The following RAP1GAP variants were observed in gnomAD, a reference collection of about 807,000 sequenced individuals.
The protein encoded by RAP1GAP is RAP1 GTPase activating protein.
In RAP1GAP, 35 loss-of-function variants were observed where a neutral mutation model predicts 87.2. The ratio of observed to expected loss-of-function variants is 0.40; its 90% CI spans 0.31 to 0.53. The LOEUF (loss-of-function observed/expected upper bound fraction) is 0.53, where lower values mean the gene tolerates loss of function less well. RAP1GAP is among the 20% of genes least tolerant of loss of function. RAP1GAP has a pLI of 0.48. For synonymous variants in RAP1GAP, 375 were observed against 363.9 expected (o/e 1.03, Z -0.35); for missense variants, 734 against 898.9 (o/e 0.82, Z 2.35).
intron 2 of RAP1GAP, among the ~76,000 whole-genome samples, chr1:21,649,547 G>C (rs2096387682): frequency 6.6e-6 from 1 of 152,192 alleles, no homozygotes; most frequent in Admixed American, 6.5e-5. Context: ...GGCAGTGGCA[G>C]AGTGAAGATG....
At chr1:21,641,377 T>A (rs2095510678) in intron 2 of RAP1GAP, among the ~76,000 whole-genome samples, 1 of 152,160 alleles carries the variant, frequency 6.6e-6, no homozygotes, top group Admixed American at 6.5e-5. Context: ...TTCTCTACCC[T>A]CTGCCTGGAC....
chr1:21,636,839 G>T (rs1477172601), intron 2 of RAP1GAP, among the ~76,000 whole-genome samples: 1 of 147,574 alleles, frequency 6.8e-6, no homozygotes, highest in African/African-American at 2.5e-5. Context: ...GAGAAAGGAA[G>T]AAGAAGAAGA....
At chr1:21,647,451 G>C (rs1328197176) in intron 2 of RAP1GAP, among the ~76,000 whole-genome samples, 2 of 152,128 alleles carry the variant, frequency 1.3e-5, no homozygotes, top group Non-Finnish European at 1.5e-5. Flanking sequence ...GCGACAGAGT[G>C]AGACCCTGTC....
chr1:21,639,588 TGA>T (rs1203120607), intron 2 of RAP1GAP, among the ~76,000 whole-genome samples: 1 of 152,132 alleles, frequency 6.6e-6, no homozygotes, highest in African/African-American at 2.4e-5. Flanking sequence ...GAGCATTAAA[TGA>T]GAGAATGCAC....
At chr1:21,664,422 C>T (rs1038833808) in intron 1 of RAP1GAP, among the ~76,000 whole-genome samples, 1 of 152,170 alleles carries the variant, frequency 6.6e-6, no homozygotes, top group Non-Finnish European at 1.5e-5. Context: ...GCCTGCCATT[C>T]AAGGCCCTTA....
rs1339661985 is a variant in RAP1GAP, at chr1:21,612,098, G to A, written c.540C>T (p.Leu180=). Residue 180 remains leucine (L), a synonymous_variant, in exon 11 of 25, where the codon CTC becomes CTT. Coordinates refer to ENST00000374765, the MANE Select transcript of RAP1GAP (RefSeq NM_002885.4). Reference sequence around the variant, plus strand: ...TGACATGCTCGTCAAAGGTGACGATGAGCCGGGAAGCCTGCAGGAGAGGAC... The same window carrying A: ...TGACATGCTCGTCAAAGGTGACGATAAGCCGGGAAGCCTGCAGGAGAGGAC... ...YPVLYPKASR[L]IVTFDEHVIS... 9 of 1,552,250 alleles carry A rather than the reference G, an allele frequency of 5.8e-6. No individual in the cohort carries two copies. Among genetic ancestry groups the A allele is most frequent in the Non-Finnish European group, 7.8e-6 (9 of 1,147,030 alleles).
rs887009142 is a variant in RAP1GAP at position 21,668,949 on chromosome 1, C to A, written c.-149+305G>T. Among the ~76,000 whole-genome samples, 1 of 151,616 alleles carries A rather than the reference C, an allele frequency of 6.6e-6. No homozygotes were observed. Among genetic ancestry groups the A allele is most frequent in the Admixed American group, 6.5e-5 (1 of 15,276 alleles). Reference sequence around the variant, plus strand: ...CTCGAGGTGGGCGGAAAACTGGACTCCCCACCCACCCAGGGGGGTGGGACC... The same window carrying A: ...CTCGAGGTGGGCGGAAAACTGGACTACCCACCCACCCAGGGGGGTGGGACC... On this transcript the variant is annotated intron_variant, in intron 1 of 24. Transcript: ENST00000374765. The surrounding 1 kb of genome is among the most constrained non-coding windows in gnomAD (Gnocchi z 6.2).
At chr1:21,631,836 T>C (rs1422021203) in intron 2 of RAP1GAP, among the ~76,000 whole-genome samples, 1 of 152,104 alleles carries the variant, frequency 6.6e-6, no homozygotes, top group Non-Finnish European at 1.5e-5. Context: ...GTGACTCCAG[T>C]CCAGTGTCCC....
chr1:21,613,368 TG>T lies in RAP1GAP; in HGVS notation c.475-140del. The T allele has an allele frequency of 1.2e-6, 1 of 852,282 alleles. No individual in the cohort carries two copies. Among genetic ancestry groups the T allele is most frequent in the Non-Finnish European group, 1.9e-6 (1 of 512,980 alleles). The allele number at this position is 852,282 out of a possible 1,614,324, so 52.8% of individuals were successfully genotyped here. A position where few individuals can be genotyped will look rare whatever the true frequency, so the allele number is the denominator to read the frequency against. Reference sequence around the variant, plus strand: ...GGCTAAAGCAGGACTCGGGGTTCACTGTTGCTCAGGGAACGGAGGTCCCCTG... The same window carrying T: ...GGCTAAAGCAGGACTCGGGGTTCACTTTGCTCAGGGAACGGAGGTCCCCTG... On this transcript the variant is annotated intron_variant, in intron 9 of 24. Transcript: ENST00000374765. This position sits in a 1 kb window ranked among gnomAD's most constrained non-coding sequence, Gnocchi z 4.7.
In RAP1GAP at chr1:21,622,665, C is replaced by T. The variant is rs1433074354; in HGVS notation, c.-18-2615G>A. The T allele has an allele frequency of 6.7e-6, 1 of 149,418 alleles. No individual in the cohort carries two copies. The highest frequency in any genetic ancestry group is 6.7e-5 in the Admixed American group (1 of 15,022). 9.3% of individuals were successfully genotyped at this position (149,418 alleles called of 1,614,324 possible). On this transcript the variant is annotated intron_variant, in intron 3 of 24. Transcript: ENST00000374765. This position sits in a 1 kb window ranked among gnomAD's most constrained non-coding sequence, Gnocchi z 5.7. ...AAGCCACGCCCCCCGGGCGGCCCGG[C>T]CCGCGGCCCCGGGACACCGCGCCTG...
At chr1:21,602,672 C>T (rs2069781285) in intron 19 of RAP1GAP, 132 bp downstream of exon 19, 1 of 758,170 alleles carries the variant, frequency 1.3e-6, no homozygotes, top group Non-Finnish European at 2.0e-6. Context: ...GGGACTTGAC[C>T]ACACAGCTGT....
At chr1:21,629,887 G>A (rs1428992213) in intron 2 of RAP1GAP, among the ~76,000 whole-genome samples, 2 of 152,192 alleles carry the variant, frequency 1.3e-5, no homozygotes, top group Non-Finnish European at 2.9e-5. Flanking sequence ...CAGAGCCCAA[G>A]ATCTGAACTT....
chr1:21,609,683 TG>T lies in RAP1GAP; in HGVS notation c.1000-38del. ...GGCAGCTGTCTGTTCCTGTGGAGCC[TG>T]GGGTCTGCTCTGCCCCACCCAGCCA... On this transcript the variant is annotated intron_variant, in intron 14 of 24. Coordinates refer to ENST00000374765, the MANE Select transcript of RAP1GAP (RefSeq NM_002885.4). The surrounding 1 kb of genome is among the most constrained non-coding windows in gnomAD (Gnocchi z 4.4). 6.7e-7 allele frequency: 1 copy of T among 1,491,628 alleles called. No homozygotes were observed. Among genetic ancestry groups the T allele is most frequent in the Non-Finnish European group, 9.0e-7 (1 of 1,107,234 alleles). The allele number at this position is 1,491,628 out of a possible 1,614,324, so 92.4% of individuals were successfully genotyped here. A position where few individuals can be genotyped will look rare whatever the true frequency, so the allele number is the denominator to read the frequency against.
chr1:21,643,729 C>A lies in RAP1GAP; in HGVS notation c.-113+6032G>T, dbSNP rs1164190260. 2.0e-5 allele frequency among the ~76,000 whole-genome samples: 3 copies of A among 152,164 alleles called. No homozygotes were observed. The South Asian group carries it at 6.2e-4, about 32-fold the overall frequency. Reference sequence around the variant, plus strand: ...TGCTTAGTTAGAAGGGAGAACATCCCCCTGCGCATACACTCTGCACTCATT... The same window carrying A: ...TGCTTAGTTAGAAGGGAGAACATCCACCTGCGCATACACTCTGCACTCATT... On this transcript the variant is annotated intron_variant, in intron 2 of 24. Transcript: ENST00000374765.
intron 2 of RAP1GAP, among the ~76,000 whole-genome samples, chr1:21,642,226 T>A (rs1349809321): frequency 6.6e-6 from 1 of 152,038 alleles, no homozygotes; most frequent in Non-Finnish European, 1.5e-5. Flanking sequence ...GCAGCAAGCT[T>A]CCAGAGGACA....
chr1:21,640,197 C>A (rs573374163), intron 2 of RAP1GAP, among the ~76,000 whole-genome samples: 14 of 152,138 alleles, frequency 9.2e-5, no homozygotes, highest in Non-Finnish European at 1.6e-4. Context: ...CCTGTTACCC[C>A]CTTCCCGTCC....
rs796131778 is a variant in RAP1GAP at position 21,653,590 on chromosome 1, TCCTCCCTC to T, written c.-148-3802_-148-3795del. Among the ~76,000 whole-genome samples, 45 of 93,066 alleles carry T rather than the reference TCCTCCCTC, an allele frequency of 4.8e-4. 1 individual carries two copies. Among genetic ancestry groups the T allele is most frequent in the African/African-American group, 1.3e-3 (30 of 23,972 alleles). The allele number at this position is 93,066 out of a possible 152,430, so 61.1% of individuals were successfully genotyped here. Reference sequence around the variant, plus strand: ...TTCCTTCCTTCCTTCCTTCCTTCCTTCCTCCCTCCCTCCCTCCCTCCTTCCTAAGTAGT... The same window carrying T: ...TTCCTTCCTTCCTTCCTTCCTTCCTTCCTCCCTCCCTCCTTCCTAAGTAGT... On this transcript the variant is annotated intron_variant, in intron 1 of 24. Transcript: ENST00000374765.
intron 17 of RAP1GAP, among the ~76,000 whole-genome samples, chr1:21,606,935 A>T (rs2075053249): frequency 6.6e-6 from 1 of 152,168 alleles, no homozygotes; most frequent in African/African-American, 2.4e-5. Context: ...CCCTCCTCAA[A>T]GGAGACACCC....
chr1:21,653,590 T>TC (rs2096732326), intron 1 of RAP1GAP, among the ~76,000 whole-genome samples: 6 of 93,000 alleles, frequency 6.5e-5, no homozygotes, highest in East Asian at 2.5e-4. Context: ...CTTCCTTCCT[T>TC]CCTCCCTCCC....
Sources: allele counts gnomAD v4.1 joint callset (sites outside exome capture counted in the v4.1 genomes callset), GRCh38; gene constraint gnomAD v4.1.1; non-coding constraint Gnocchi (gnomAD v3.1); transcripts MANE v1.5; gene names NCBI Gene and HGNC (gene_info 2026-07-23, HGNC 2026-07-21).